The following SCEL variants were observed in gnomAD, a reference collection of about 807,000 sequenced individuals.
SCEL encodes sciellin.
A neutral mutation model predicts 117.6 loss-of-function variants in SCEL; 113 were observed. That is an observed-to-expected ratio of 0.96 (90% confidence interval 0.83 to 1.12). The LOEUF (loss-of-function observed/expected upper bound fraction) is 1.12. Among genes scored for constraint, SCEL ranks in the 50% most tolerant of loss-of-function variants. The pLI is 0.00. For synonymous variants in SCEL, 270 were observed against 256.2 expected (o/e 1.05, Z -0.51); for missense variants, 785 against 810.8 (o/e 0.97, Z 0.39).
chr13:77,586,714 A>G (rs557853074), intron 9 of SCEL, among the ~76,000 whole-genome samples: 7 of 152,320 alleles, frequency 4.6e-5, no homozygotes, highest in South Asian at 2.1e-4. Context: ...ACTAACCTCA[A>G]CTGAGCCATT....
chr13:77,574,977 GA>G (rs1054883766), intron 9 of SCEL, among the ~76,000 whole-genome samples: 27 of 152,108 alleles, frequency 1.8e-4, no homozygotes, highest in African/African-American at 6.5e-4. Flanking sequence ...ATCTTTCCCT[GA>G]AATTTCATTT....
chr13:77,540,646 G>T (rs915157675), intron 1 of SCEL, among the ~76,000 whole-genome samples: 2 of 152,196 alleles, frequency 1.3e-5, no homozygotes, highest in Non-Finnish European at 2.9e-5. Context: ...TAGCTCACAG[G>T]TGATGAAAAG....
chr13:77,554,791 A>G (rs900175249), intron 1 of SCEL, among the ~76,000 whole-genome samples: 3 of 152,114 alleles, frequency 2.0e-5, no homozygotes, highest in Non-Finnish European at 4.4e-5. Flanking sequence ...CTTGCTTCTG[A>G]CTTGAGCTTG....
Position 77,642,767 on chromosome 13 carries a change from G to A in SCEL, c.2009G>A (p.Arg670Lys). 6.2e-7 allele frequency: 1 copy of A among 1,607,428 alleles called. No homozygotes were observed. Among genetic ancestry groups the A allele is most frequent in the Non-Finnish European group, 8.5e-7 (1 of 1,176,318 alleles). Residue 670 changes from arginine to lysine, a missense_variant, in exon 32 of 33, where the codon AGA becomes AAA. Coordinates refer to ENST00000349847, the MANE Select transcript of SCEL (RefSeq NM_144777.3). ...GCGGGTGATAGTATTTGGATTTATA[G>A]ACAGACAATACACTGTGAACCTTGC... ...LQAGDSIWIY[R>K]QTIHCEPCYS...
At chr13:77,578,484 G>A (rs1173582900) in intron 9 of SCEL, among the ~76,000 whole-genome samples, 4 of 152,126 alleles carry the variant, frequency 2.6e-5, no homozygotes, top group Admixed American at 2.6e-4. Flanking sequence ...CCAAACGTTG[G>A]AGAATATGAA....
At chr13:77,541,577 G>C (rs1438273568) in intron 1 of SCEL, among the ~76,000 whole-genome samples, 10 of 152,134 alleles carry the variant, frequency 6.6e-5, no homozygotes, top group Admixed American at 5.9e-4. Context: ...AATAAAATGA[G>C]ATATTTTGTA....
rs868252636 is a variant in SCEL at position 77,599,748 on chromosome 13, G to C, written c.917G>C (p.Gly306Ala). 1.2e-6 allele frequency: 2 copies of C among 1,604,598 alleles called. No individual in the cohort carries two copies. Among genetic ancestry groups the C allele is most frequent in the South Asian group, 2.2e-5 (2 of 90,878 alleles). Residue 306 changes from glycine to alanine, a missense_variant and splice_region_variant, in exon 15 of 33, where the codon GGA (glycine) becomes GCA (alanine). Transcript: ENST00000349847. The stretch of plus-strand genomic sequence containing the variant: ...ACCCGGACAGATAAAGATGGCAAAG[G>C]GTAAGATTTTATTAAGACAGACCAT... ...MSTRTDKDGK[G>A]IQSLGSPIKV...
chr13:77,571,542 A>G (rs2085624516), intron 8 of SCEL, among the ~76,000 whole-genome samples: 2 of 151,822 alleles, frequency 1.3e-5, no homozygotes, highest in South Asian at 4.2e-4. Context: ...TTACAAAATT[A>G]GCTGGGCGTG....
At chr13:77,584,149 CAATG>C (rs1276120363) in intron 9 of SCEL, among the ~76,000 whole-genome samples, 3 of 152,150 alleles carry the variant, frequency 2.0e-5, no homozygotes, top group Non-Finnish European at 4.4e-5. Context: ...AAGATCATTC[CAATG>C]AATGTCTCTT....
chr13:77,577,447 T>G (rs2086010319), intron 9 of SCEL, among the ~76,000 whole-genome samples: 1 of 151,960 alleles, frequency 6.6e-6, no homozygotes, highest in African/African-American at 2.4e-5. Context: ...GAGAACTCAC[T>G]CACTATCACT....
intron 22 of SCEL, among the ~76,000 whole-genome samples, chr13:77,611,085 A>T (rs1176713268): frequency 6.6e-6 from 1 of 152,208 alleles, no homozygotes; most frequent in Non-Finnish European, 1.5e-5. Context: ...TGTGGCTATC[A>T]AACAGAGCTT....
At chr13:77,540,190 G>T (rs1369045896) in intron 1 of SCEL, among the ~76,000 whole-genome samples, 3 of 152,128 alleles carry the variant, frequency 2.0e-5, no homozygotes, top group Non-Finnish European at 4.4e-5. Context: ...AAAATTAAAA[G>T]AAAAATAAAT....
intron 30 of SCEL, 87 bp from the exon 31 acceptor site, chr13:77,640,589 A>G: frequency 2.0e-6 from 1 of 512,406 alleles, no homozygotes; most frequent in Non-Finnish European, 3.4e-6. Context: ...ATCAAAATTA[A>G]TATACCGTTG....
intron 13 of SCEL, among the ~76,000 whole-genome samples, chr13:77,598,007 G>T (rs2087359809): frequency 6.7e-6 from 1 of 150,100 alleles, no homozygotes; most frequent in Non-Finnish European, 1.5e-5. Context: ...TCTTACCCAG[G>T]CTGGAGTGCA....
At chr13:77,567,590 G>A (rs2085358314) in intron 5 of SCEL, 90 bp from the exon 6 acceptor site, 1 of 867,740 alleles carries the variant, frequency 1.2e-6, no homozygotes, top group African/African-American at 1.7e-5. Context: ...GAAAGGCTAT[G>A]TTGTTAAGCT....
intron 4 of SCEL, among the ~76,000 whole-genome samples, chr13:77,560,663 C>T (rs1377576918): frequency 6.6e-6 from 1 of 152,170 alleles, no homozygotes; most frequent in Non-Finnish European, 1.5e-5. Flanking sequence ...AAACAGTAAT[C>T]ACAATGATAC....
At chr13:77,563,349 C>A (rs971519474) in intron 4 of SCEL, among the ~76,000 whole-genome samples, 1 of 152,102 alleles carries the variant, frequency 6.6e-6, no homozygotes, top group African/African-American at 2.4e-5. Context: ...CTTCTTTCAA[C>A]CCTGTCCACG....
intron 9 of SCEL, among the ~76,000 whole-genome samples, chr13:77,582,701 G>C (rs940894957): frequency 3.9e-5 from 6 of 152,082 alleles, no homozygotes; most frequent in African/African-American, 1.4e-4. Flanking sequence ...ATGCACTTTT[G>C]AGAGCCAAAG....
intron 4 of SCEL, among the ~76,000 whole-genome samples, chr13:77,560,658 G>A (rs2084928629): frequency 6.6e-6 from 1 of 152,108 alleles, no homozygotes; most frequent in South Asian, 2.1e-4. Context: ...AGACAAAACA[G>A]TAATCACAAT....
Sources: gnomAD v4.1 joint callset for allele counts (sites outside exome capture counted in the v4.1 genomes callset) on GRCh38, gnomAD v4.1.1 for gene constraint, MANE v1.5 for transcripts, NCBI Gene and HGNC (gene_info 2026-07-23, HGNC 2026-07-21) for gene names.